The following NUMB variants were observed in gnomAD, a reference collection of about 807,000 sequenced individuals.
The protein encoded by NUMB is protein numb homolog.
In NUMB, 29 loss-of-function variants were observed where a neutral mutation model predicts 59.7. The observed-to-expected ratio is 0.49, with a 90% CI of 0.36 to 0.66. The LOEUF (loss-of-function observed/expected upper bound fraction) is 0.66. Among genes scored for constraint, NUMB ranks in the 30% least tolerant of loss-of-function variants. The probability of loss-of-function intolerance (pLI) is 0.00; values close to 1 mark genes in which losing one functional copy is unlikely to be tolerated. For synonymous variants in NUMB, 288 were observed against 288.2 expected, an observed-to-expected ratio of 1.00 and a Z score of 0.01; for missense variants, 723 against 822.0, an observed-to-expected ratio of 0.88 and a Z score of 1.47.
chr14:73,341,139 A>G (rs2139976935), intron 4 of NUMB, among the ~76,000 whole-genome samples: 1 of 152,326 alleles, frequency 6.6e-6, no homozygotes, highest in East Asian at 1.9e-4. Context: ...GTATTTCTTT[A>G]TAGCAGTGTA....
intron 2 of NUMB, among the ~76,000 whole-genome samples, chr14:73,402,971 G>GACA (rs1896489774): frequency 6.6e-6 from 1 of 152,144 alleles, no homozygotes; most frequent in South Asian, 2.1e-4. Flanking sequence ...ATATAACTGT[G>GACA]ACAGATGTTA....
intron 2 of NUMB, among the ~76,000 whole-genome samples, chr14:73,403,183 G>A (rs776564466): frequency 1.3e-4 from 20 of 152,188 alleles, no homozygotes; most frequent in Non-Finnish European, 2.5e-4. Flanking sequence ...GTAGGTGGAA[G>A]GCTGGACCTG....
intron 1 of NUMB, among the ~76,000 whole-genome samples, chr14:73,442,764 G>T (rs1268508371): frequency 6.6e-6 from 1 of 152,206 alleles, no homozygotes; most frequent in Non-Finnish European, 1.5e-5. Context: ...AATAGAAAGG[G>T]AGAGATGTAT....
At chr14:73,446,443 T>C (rs1883511571) in intron 1 of NUMB, among the ~76,000 whole-genome samples, 1 of 151,742 alleles carries the variant, frequency 6.6e-6, no homozygotes, top group Admixed American at 6.6e-5. Flanking sequence ...CCGTCTCTAC[T>C]AAAAAATACA....
Position 73,284,253 on chromosome 14 carries a change from A to G in NUMB, c.777T>C (p.His259=). The G allele has an allele frequency of 6.2e-7, 1 of 1,614,196 alleles. No homozygotes were observed. Among genetic ancestry groups the G allele is most frequent in the Non-Finnish European group, 8.5e-7 (1 of 1,180,036 alleles). Residue 259 remains histidine, a synonymous_variant, in exon 10 of 13, where the codon CAT becomes CAC. Coordinates refer to ENST00000555238, the MANE Select transcript of NUMB (RefSeq NM_001005743.2). ...ATTSLEMNNP[H]AIPRRHAPIE... ...TTGGAGCATGCCGGCGTGGGATGGC[A>G]TGAGGATTGTTCATCTCCAGAGAGG...
chr14:73,344,014 A>G (rs1892782661), intron 4 of NUMB, among the ~76,000 whole-genome samples: 1 of 152,022 alleles, frequency 6.6e-6, no homozygotes, highest in Non-Finnish European at 1.5e-5. Flanking sequence ...ATCTTATGGT[A>G]TTTCTTCTAC....
At chr14:73,312,713 CAAAAA>C (rs544005367) in intron 6 of NUMB, among the ~76,000 whole-genome samples, 1 of 64,094 alleles carries the variant, frequency 1.6e-5, no homozygotes. Flanking sequence ...GACCCTGTCT[CAAAAA>C]AAAAAAAAAA....
In NUMB at chr14:73,413,658, T is replaced by C. The variant is rs565881210; in HGVS notation, c.-232-3590A>G. Among the ~76,000 whole-genome samples the C allele has an allele frequency of 5.7e-4, 87 of 152,034 alleles. 1 individual carries two copies. Among genetic ancestry groups the C allele is most frequent in the African/African-American group, 7.2e-4 (30 of 41,520 alleles). ...CTGTAGTCCCAGCTACTCAGGAGGCTGTGGCATAAGAATCGCTTGAACCCA... is the reference window on the plus strand; with the variant it reads ...CTGTAGTCCCAGCTACTCAGGAGGCCGTGGCATAAGAATCGCTTGAACCCA... On this transcript the variant is annotated intron_variant, in intron 1 of 12. Transcript: ENST00000555238.
At chr14:73,388,859 A>C (rs1295798666) in intron 2 of NUMB, among the ~76,000 whole-genome samples, 1 of 152,164 alleles carries the variant, frequency 6.6e-6, no homozygotes, top group African/African-American at 2.4e-5. Flanking sequence ...GCACTTTAGG[A>C]GGCCGAGGTG....
At chr14:73,436,555 T>C (rs1361567356) in intron 1 of NUMB, among the ~76,000 whole-genome samples, 1 of 152,134 alleles carries the variant, frequency 6.6e-6, no homozygotes, top group Non-Finnish European at 1.5e-5. Flanking sequence ...CCTAATCTCA[T>C]GATCCGCCCA....
intron 12 of NUMB, 28 bp from the exon 13 acceptor site, chr14:73,277,321 G>C: frequency 6.6e-7 from 1 of 1,522,792 alleles, no homozygotes; most frequent in Non-Finnish European, 9.0e-7. Flanking sequence ...AGAGACAAAA[G>C]AATCAGTTAG....
Position 73,367,348 on chromosome 14 carries a change from T to TATATATAGAG in NUMB, c.-100-368_-100-367insCTCTATATAT, listed in dbSNP as rs1555375287. On this transcript the variant is annotated intron_variant, in intron 2 of 12. Transcript: ENST00000555238. ...ATATATACATATATATATATATATA[T>TATATATAGAG]AGAGAGAGAGAGAGAGAGAGAGAGA... Among the ~76,000 whole-genome samples, 613 of 105,266 alleles carry TATATATAGAG rather than the reference T, an allele frequency of 5.8e-3. 7 individuals are homozygous for TATATATAGAG. The highest frequency in any genetic ancestry group is 0.018 in the African/African-American group (368 of 19,954). The allele number at this position is 105,266 out of a possible 152,430, so 69.1% of individuals were successfully genotyped here.
intron 1 of NUMB, among the ~76,000 whole-genome samples, chr14:73,422,614 C>T (rs191479603): frequency 1.3e-4 from 19 of 151,686 alleles, no homozygotes; most frequent in Admixed American, 8.5e-4. Context: ...GTGAGGGCCT[C>T]GGGAAGCTTA....
intron 2 of NUMB, among the ~76,000 whole-genome samples, chr14:73,374,231 G>A (rs1364153958): frequency 6.6e-6 from 1 of 152,060 alleles, no homozygotes; most frequent in Non-Finnish European, 1.5e-5. Flanking sequence ...TGTTGTCCAG[G>A]TTGGTCTCAA....
intron 7 of NUMB, among the ~76,000 whole-genome samples, chr14:73,294,846 TTGCCTCA>T (rs1889651155): frequency 6.8e-6 from 1 of 147,044 alleles, no homozygotes; most frequent in Non-Finnish European, 1.5e-5. Context: ...GTGGCTACTG[TTGCCTCA>T]AATTCTGTCT....
At chr14:73,285,840 C>T (rs925792172) in intron 9 of NUMB, among the ~76,000 whole-genome samples, 4 of 151,482 alleles carry the variant, frequency 2.6e-5, no homozygotes, top group African/African-American at 4.9e-5. Flanking sequence ...GCAGGAGAAT[C>T]GCTTGAGCCC....
intron 6 of NUMB, among the ~76,000 whole-genome samples, chr14:73,307,825 C>T (rs1422290697): frequency 2.7e-5 from 4 of 150,838 alleles, no homozygotes; most frequent in South Asian, 2.1e-4. Context: ...CTCCGCCTCC[C>T]GGGTTCACGC....
At chr14:73,398,163 C>T (rs1244685794) in intron 2 of NUMB, among the ~76,000 whole-genome samples, 1 of 152,024 alleles carries the variant, frequency 6.6e-6, no homozygotes. Flanking sequence ...AACAGTTCAC[C>T]AAATTGTTAA....
chr14:73,383,419 A>G (rs752875976), intron 2 of NUMB, among the ~76,000 whole-genome samples: 2 of 152,218 alleles, frequency 1.3e-5, no homozygotes, highest in Non-Finnish European at 2.9e-5. Context: ...GTCAACAGAA[A>G]ATATCTAGAT....
Sources: gnomAD v4.1 joint callset for allele counts (sites outside exome capture counted in the v4.1 genomes callset) on GRCh38, gnomAD v4.1.1 for gene constraint, MANE v1.5 for transcripts, NCBI Gene and HGNC (gene_info 2026-07-23, HGNC 2026-07-21) for gene names.